The following TNKS variants were observed in gnomAD, a reference collection of about 807,000 sequenced individuals.
The protein encoded by TNKS is poly [ADP-ribose] polymerase tankyrase-1.
In TNKS, 72 loss-of-function variants were observed where a neutral mutation model predicts 135.8. The observed-to-expected ratio is 0.53, with a 90% CI of 0.44 to 0.64. The LOEUF (loss-of-function observed/expected upper bound fraction) is 0.64. TNKS is among the 30% of genes least tolerant of loss of function. The pLI is 0.00. For missense variants in TNKS, 1,769 were observed against 1,674.0 expected (o/e 1.06, Z -0.99); for synonymous variants, 849 against 649.3 (o/e 1.31, Z -4.68).
intron 3 of TNKS, among the ~76,000 whole-genome samples, chr8:9,665,059 A>G (rs1371834448): frequency 6.6e-6 from 1 of 152,222 alleles, no homozygotes; most frequent in East Asian, 1.9e-4. Context: ...TGACAATGCT[A>G]ATCAAGACCT....
intron 5 of TNKS, among the ~76,000 whole-genome samples, chr8:9,683,048 A>T (rs927514179): frequency 3.9e-5 from 6 of 152,056 alleles, no homozygotes; most frequent in South Asian, 4.1e-4. Flanking sequence ...ATTAGGTTTT[A>T]GTGCTATGCA....
At position 9,776,937 on chromosome 8, in the gene TNKS, A is replaced by G. The variant is rs778637323; in HGVS notation, c.*201A>G. On this transcript the variant is annotated 3_prime_UTR_variant, in exon 27 of 27. Coordinates refer to ENST00000310430, the MANE Select transcript of TNKS (RefSeq NM_003747.3). ...AACTGCTACTGTTCCCTTTGAGGAA[A>G]TGTTTACAGGGGCGGCCTTTTAACA... The G allele has an allele frequency of 6.6e-4, 345 of 519,620 alleles. 1 individual carries two copies. Among genetic ancestry groups the G allele is most frequent in the Admixed American group, 4.3e-4 (12 of 27,900 alleles). 32.2% of individuals were successfully genotyped at this position (519,620 alleles called of 1,614,324 possible).
intron 5 of TNKS, among the ~76,000 whole-genome samples, chr8:9,689,069 T>TGG (rs1803142808): frequency 6.6e-6 from 1 of 152,160 alleles, no homozygotes. Context: ...TATTGGGGGT[T>TGG]GGGGCTTCAA....
intron 3 of TNKS, among the ~76,000 whole-genome samples, chr8:9,678,915 A>C (rs1320011315): frequency 6.6e-6 from 1 of 152,212 alleles, no homozygotes; most frequent in African/African-American, 2.4e-5. Flanking sequence ...TTAGTGATGT[A>C]GCAAACTAAG....
intron 3 of TNKS, among the ~76,000 whole-genome samples, chr8:9,621,743 ATTAC>A (rs1187196089): frequency 6.6e-6 from 1 of 152,202 alleles, no homozygotes; most frequent in African/African-American, 2.4e-5. Flanking sequence ...AACTTAAAGA[ATTAC>A]TTATCAGTTA....
At chr8:9,652,714 T>G (rs1296585381) in intron 3 of TNKS, among the ~76,000 whole-genome samples, 1 of 152,204 alleles carries the variant, frequency 6.6e-6, no homozygotes, top group Non-Finnish European at 1.5e-5. Flanking sequence ...AATCAAATAC[T>G]TTAAGATTTG....
At chr8:9,733,863 T>G (rs565940863) in intron 15 of TNKS, among the ~76,000 whole-genome samples, 1 of 152,178 alleles carries the variant, frequency 6.6e-6, no homozygotes, top group Non-Finnish European at 1.5e-5. Flanking sequence ...TAAGAACTTA[T>G]TGTAGTATCA....
At chr8:9,575,283 C>T (rs1443919874) in intron 1 of TNKS, 2 of 623,370 alleles carry the variant, frequency 3.2e-6, no homozygotes, top group East Asian at 1.4e-4. Context: ...AGACGGGTTT[C>T]ACCATGTTAG....
At chr8:9,598,763 G>GTGTGTA (rs1798895945) in intron 2 of TNKS, among the ~76,000 whole-genome samples, 1 of 58,724 alleles carries the variant, frequency 1.7e-5, no homozygotes, top group Non-Finnish European at 3.4e-5. Flanking sequence ...ATATGTGTGT[G>GTGTGTA]TGTATATATA....
In TNKS at chr8:9,751,646, C is replaced by A; in HGVS notation, c.2870C>A (p.Pro957His). ...DIRALLIDAM[P>H]PEALPTCFKP... ...AGAGCTTTGCTGATAGATGCCATGC[C>A]CCCAGAGGCCTTACCTACCTGTTTT... The change falls in exon 19 of 27, where the codon CCC (proline) becomes CAC (histidine). Residue 957 changes from proline to histidine, a missense_variant. Transcript: ENST00000310430. 1 of 1,614,082 alleles carries A rather than the reference C, an allele frequency of 6.2e-7. No individual in the cohort carries two copies. The highest frequency in any genetic ancestry group is 1.3e-5 in the African/African-American group (1 of 75,010).
At chr8:9,757,789 T>C (rs973937174) in intron 20 of TNKS, among the ~76,000 whole-genome samples, 1 of 152,250 alleles carries the variant, frequency 6.6e-6, no homozygotes, top group Non-Finnish European at 1.5e-5. Context: ...GGGGTTGTTT[T>C]AGAATTAAAT....
chr8:9,569,018 C>A lies in TNKS; in HGVS notation c.674-11141C>A, dbSNP rs1012417553. On this transcript the variant is annotated intron_variant, in intron 1 of 26. Transcript: ENST00000310430. ...ATATTCCAAATGTTGACACATTTTA[C>A]TTTGTAATAAAAATAATAAGCATAA... Among the ~76,000 whole-genome samples the A allele has an allele frequency of 2.0e-3, 299 of 152,278 alleles. 1 individual carries two copies. Among genetic ancestry groups the A allele is most frequent in the African/African-American group, 6.8e-3 (282 of 41,544 alleles).
At chr8:9,577,666 C>G (rs951040840) in intron 1 of TNKS, among the ~76,000 whole-genome samples, 2 of 152,226 alleles carry the variant, frequency 1.3e-5, no homozygotes, top group African/African-American at 2.4e-5. Context: ...CCAGGCCCCT[C>G]TTCTAACACT....
chr8:9,684,581 A>T (rs909472213), intron 5 of TNKS, among the ~76,000 whole-genome samples: 1 of 152,130 alleles, frequency 6.6e-6, no homozygotes, highest in Admixed American at 6.6e-5. Context: ...TCCAAATAGA[A>T]ATAATATGTA....
intron 2 of TNKS, among the ~76,000 whole-genome samples, chr8:9,596,040 G>C (rs1798774797): frequency 6.6e-6 from 1 of 152,156 alleles, no homozygotes; most frequent in Admixed American, 6.5e-5. Context: ...TGAGTGGGGA[G>C]GTACAGGTTG....
chr8:9,692,115 A>C (rs1803302547), intron 5 of TNKS, among the ~76,000 whole-genome samples: 1 of 151,926 alleles, frequency 6.6e-6, no homozygotes, highest in South Asian at 2.1e-4. Flanking sequence ...GCTTGGGTAA[A>C]TTGTGCGTTA....
intron 3 of TNKS, among the ~76,000 whole-genome samples, chr8:9,656,334 G>A (rs1196247503): frequency 6.6e-6 from 1 of 152,186 alleles, no homozygotes; most frequent in Non-Finnish European, 1.5e-5. Context: ...TTATCCAGGA[G>A]AACTTCCCAA....
At chr8:9,732,692 T>C (rs1289293548) in intron 14 of TNKS, among the ~76,000 whole-genome samples, 2 of 152,224 alleles carry the variant, frequency 1.3e-5, no homozygotes, top group Non-Finnish European at 2.9e-5. Flanking sequence ...CCTTTTAGAA[T>C]GTCAGCTGCT....
intron 2 of TNKS, among the ~76,000 whole-genome samples, chr8:9,596,231 A>G (rs1277538523): frequency 1.3e-5 from 2 of 152,206 alleles, no homozygotes; most frequent in African/African-American, 4.8e-5. Context: ...TGGGTTGTGT[A>G]ACCAGGCAGA....
Sources: gnomAD v4.1 joint callset for allele counts (sites outside exome capture counted in the v4.1 genomes callset) on GRCh38, gnomAD v4.1.1 for gene constraint, MANE v1.5 for transcripts, NCBI Gene and HGNC (gene_info 2026-07-23, HGNC 2026-07-21) for gene names.